Variants in POU2F1 observed in about 807,000 individuals in gnomAD.
POU2F1 encodes the protein POU class 2 homeobox 1, also known as POU domain, class 2, transcription factor 1.
Under a neutral mutation model 84.9 loss-of-function variants are expected in POU2F1, and 16 were observed. The observed-to-expected ratio is 0.19, with a 90% confidence interval of 0.13 to 0.29. The LOEUF (loss-of-function observed/expected upper bound fraction) is 0.29, where lower values mean the gene tolerates loss of function less well. Among genes scored for constraint, POU2F1 ranks in the 10% least tolerant of loss-of-function variants. POU2F1 has a pLI of 1.00. For missense variants in POU2F1, 738 were observed against 942.6 expected (o/e 0.78, Z 2.84); for synonymous variants, 368 against 368.3 (o/e 1.00, Z 0.01).
rs144536966 is a variant in POU2F1 at position 167,318,557 on chromosome 1, C to T, written c.62-13913C>T. ...TGTTTACAAATTTGTTTTTGAGGGC[C>T]GTATGCCTCAATTATAAGAGCAGAT... On this transcript the variant is annotated intron_variant, in intron 1 of 15. Transcript: ENST00000367866. Among the ~76,000 whole-genome samples, 350 of 152,134 alleles carry T rather than the reference C, an allele frequency of 2.3e-3. 1 individual carries two copies. Among genetic ancestry groups the T allele is most frequent in the Non-Finnish European group, 4.0e-3 (272 of 67,994 alleles).
intron 2 of POU2F1, among the ~76,000 whole-genome samples, chr1:167,354,133 A>G (rs538565911): frequency 1.1e-4 from 16 of 152,328 alleles, no homozygotes; most frequent in African/African-American, 3.6e-4. Flanking sequence ...ATAATATCCC[A>G]TTGTATGACT....
intron 1 of POU2F1, among the ~76,000 whole-genome samples, chr1:167,306,460 A>G (rs1012760364): frequency 6.6e-6 from 1 of 152,202 alleles, no homozygotes; most frequent in Non-Finnish European, 1.5e-5. Flanking sequence ...ATTTATCAAG[A>G]TATAATACCT....
At chr1:167,283,485 A>G (rs1653308330) in intron 1 of POU2F1, among the ~76,000 whole-genome samples, 3 of 152,172 alleles carry the variant, frequency 2.0e-5, no homozygotes, top group Non-Finnish European at 4.4e-5. Context: ...GAATGAATGG[A>G]TGGTTGGGTA....
intron 1 of POU2F1, among the ~76,000 whole-genome samples, chr1:167,320,180 T>TG (rs1392987830): frequency 6.6e-6 from 1 of 151,772 alleles, no homozygotes; most frequent in African/African-American, 2.4e-5. Flanking sequence ...CAACTAACTG[T>TG]GTAGAATGAA....
At chr1:167,385,265 A>G (rs909638787) in intron 8 of POU2F1, among the ~76,000 whole-genome samples, 6 of 152,152 alleles carry the variant, frequency 3.9e-5, no homozygotes, top group Admixed American at 1.3e-4. Flanking sequence ...TTTTTCCCAA[A>G]TTGACCTCTA....
chr1:167,324,321 A>G (rs565940550), intron 1 of POU2F1, among the ~76,000 whole-genome samples: 2 of 152,354 alleles, frequency 1.3e-5, no homozygotes, highest in East Asian at 1.9e-4. Flanking sequence ...ATACCTGGAA[A>G]GAAGCATTGT....
At chr1:167,375,825 A>G (rs1660289874) in intron 6 of POU2F1, among the ~76,000 whole-genome samples, 1 of 152,258 alleles carries the variant, frequency 6.6e-6, no homozygotes, top group Non-Finnish European at 1.5e-5. Context: ...TCAGTCCACA[A>G]AAATAGTCAG....
chr1:167,255,242 A>G (rs1651043931), intron 1 of POU2F1, among the ~76,000 whole-genome samples: 1 of 152,214 alleles, frequency 6.6e-6, no homozygotes. Context: ...TGTGGGCACA[A>G]AGCAAGAAGT....
chr1:167,411,386 CATAGTATCATTGTATGTTGTTTT>C, intron 13 of POU2F1, among the ~76,000 whole-genome samples: 1 of 151,138 alleles, frequency 6.6e-6, no homozygotes, highest in African/African-American at 2.5e-5. Flanking sequence ...TTATGAGATT[CATAGTATCATTGTATGTTGTTTT>C]TTTTTTTACC....
At chr1:167,222,446 T>C (rs1648301893) in intron 1 of POU2F1, among the ~76,000 whole-genome samples, 1 of 152,208 alleles carries the variant, frequency 6.6e-6, no homozygotes, top group African/African-American at 2.4e-5. Context: ...TGTTTATATT[T>C]TACATTCGCC....
chr1:167,381,603 CTTTTTTTTTTT>C (rs147770215), intron 7 of POU2F1, among the ~76,000 whole-genome samples: 1 of 65,988 alleles, frequency 1.5e-5, no homozygotes, highest in Non-Finnish European at 2.7e-5. Context: ...GCTCTCTTCT[CTTTTTTTTTTT>C]TTTTTTTTTT....
intron 1 of POU2F1, among the ~76,000 whole-genome samples, chr1:167,233,558 G>A (rs926254073): frequency 2.0e-5 from 3 of 152,184 alleles, no homozygotes; most frequent in Admixed American, 2.0e-4. Flanking sequence ...TATAGCTTAG[G>A]TATGTAGTAG....
chr1:167,364,346 C>T (rs1270735692), intron 2 of POU2F1, among the ~76,000 whole-genome samples: 4 of 150,950 alleles, frequency 2.6e-5, no homozygotes, highest in Non-Finnish European at 5.9e-5. Context: ...CCGGCTATAA[C>T]GGTGAAACCC....
In POU2F1 at chr1:167,275,030, GTA is replaced by G. The variant is rs1352311237; in HGVS notation, c.61+54074_61+54075del. ...GCTAATCTTACTTAGTCAAATAAAT[GTA>G]TTTTTTTTTTTTTTTTTTTTTGAGA... On this transcript the variant is annotated intron_variant, in intron 1 of 15. Coordinates refer to ENST00000367866, the MANE Select transcript of POU2F1 (RefSeq NM_002697.4). 6.0e-3 allele frequency among the ~76,000 whole-genome samples: 724 copies of G among 120,766 alleles called. 4 individuals carry two copies. The highest frequency in any genetic ancestry group is 0.029 in the South Asian group (105 of 3,634). The allele number at this position is 120,766 out of a possible 152,430, so 79.2% of individuals were successfully genotyped here.
At chr1:167,255,641 A>G (rs1379000862) in intron 1 of POU2F1, among the ~76,000 whole-genome samples, 1 of 152,188 alleles carries the variant, frequency 6.6e-6, no homozygotes, top group African/African-American at 2.4e-5. Flanking sequence ...TGACATAGCC[A>G]CAAGAATCCA....
chr1:167,356,162 T>TC (rs1478738673), intron 2 of POU2F1, among the ~76,000 whole-genome samples: 1 of 149,144 alleles, frequency 6.7e-6, no homozygotes, highest in Non-Finnish European at 1.5e-5. Context: ...TTTTTCTTTT[T>TC]CTTTTTTTTT....
At chr1:167,222,295 T>G (rs1648288050) in intron 1 of POU2F1, among the ~76,000 whole-genome samples, 1 of 152,168 alleles carries the variant, frequency 6.6e-6, no homozygotes, top group Non-Finnish European at 1.5e-5. Context: ...GTCTTTACTC[T>G]CTGCTTAGCT....
At chr1:167,366,472 A>G (rs1571379500) in intron 3 of POU2F1, among the ~76,000 whole-genome samples, 2 of 152,336 alleles carry the variant, frequency 1.3e-5, no homozygotes, top group African/African-American at 4.8e-5. Context: ...TTTCATCAAA[A>G]TATGTCATCA....
intron 2 of POU2F1, among the ~76,000 whole-genome samples, chr1:167,348,655 C>G (rs536142268): frequency 6.6e-6 from 1 of 152,194 alleles, no homozygotes; most frequent in East Asian, 1.9e-4. Context: ...ATCTTATAGT[C>G]AAAATATCTT....
Sources: allele counts gnomAD v4.1 joint callset (sites outside exome capture counted in the v4.1 genomes callset), GRCh38; gene constraint gnomAD v4.1.1; transcripts MANE v1.5; gene names NCBI Gene and HGNC (gene_info 2026-07-23, HGNC 2026-07-21).